The following MBNL1 variants were observed in gnomAD, a reference collection of about 807,000 sequenced individuals.
MBNL1 encodes the protein muscleblind like splicing regulator 1.
In MBNL1, 8 loss-of-function variants were observed where a neutral mutation model predicts 42.2. That is an observed-to-expected ratio of 0.19 (90% CI 0.11 to 0.34). The LOEUF (loss-of-function observed/expected upper bound fraction) is 0.34, where lower values mean the gene tolerates loss of function less well. MBNL1 is among the 10% of genes least tolerant of loss of function. The pLI is 1.00. For missense variants in MBNL1, 309 were observed against 495.3 expected (o/e 0.62, Z 3.57); for synonymous variants, 169 against 173.9 (o/e 0.97, Z 0.22).
At chr3:152,452,550 C>G (rs1018098659) in intron 6 of MBNL1, among the ~76,000 whole-genome samples, 2 of 152,162 alleles carry the variant, frequency 1.3e-5, no homozygotes, top group African/African-American at 4.8e-5. Flanking sequence ...ACAGGTACTC[C>G]AGGGGTTCTG....
chr3:152,412,005 G>A (rs534669129), intron 2 of MBNL1, among the ~76,000 whole-genome samples: 3 of 152,310 alleles, frequency 2.0e-5, no homozygotes, highest in South Asian at 2.1e-4. Flanking sequence ...CATTCATTCT[G>A]TGAATGTTTA....
At chr3:152,383,936 A>G (rs1553218) in intron 2 of MBNL1, among the ~76,000 whole-genome samples, 42,627 of 151,852 alleles carry the variant, frequency 0.28, 6,200 homozygotes, top group African/African-American at 0.36. Flanking sequence ...ATAAATTCAT[A>G]CCATTAAAGG....
intron 9 of MBNL1, among the ~76,000 whole-genome samples, chr3:152,459,696 G>A (rs1026911038): frequency 2.0e-5 from 3 of 151,904 alleles, no homozygotes; most frequent in Non-Finnish European, 2.9e-5. Context: ...GGGCCGTATC[G>A]TTTCTGTTGC....
intron 1 of MBNL1, among the ~76,000 whole-genome samples, chr3:152,293,997 G>A (rs1206167895): frequency 6.7e-6 from 1 of 148,372 alleles, no homozygotes; most frequent in Non-Finnish European, 1.5e-5. Flanking sequence ...ATTGTTGAAA[G>A]AATAAGAATA....
intron 2 of MBNL1, among the ~76,000 whole-genome samples, chr3:152,391,954 G>A (rs904924512): frequency 3.9e-5 from 6 of 152,104 alleles, no homozygotes; most frequent in Non-Finnish European, 7.4e-5. Flanking sequence ...AGTTTGCAGG[G>A]AATTGGTAGT....
intron 8 of MBNL1, among the ~76,000 whole-genome samples, chr3:152,457,176 AC>A (rs1735343512): frequency 6.6e-6 from 1 of 152,202 alleles, no homozygotes; most frequent in Non-Finnish European, 1.5e-5. Flanking sequence ...ACATTTATTC[AC>A]CCAGCATTTT....
At chr3:152,406,880 G>C (rs1226797352) in intron 2 of MBNL1, among the ~76,000 whole-genome samples, 2 of 152,120 alleles carry the variant, frequency 1.3e-5, no homozygotes, top group Non-Finnish European at 2.9e-5. Flanking sequence ...TTTGTGATTA[G>C]ATTATGCACT....
chr3:152,433,010 A>G lies in MBNL1; in HGVS notation c.549+90A>G, dbSNP rs919111897. 9.7e-6 allele frequency: 12 copies of G among 1,240,626 alleles called. No homozygotes were observed. In the South Asian group the frequency reaches 1.5e-4, roughly 16 times the overall value. 76.9% of individuals were successfully genotyped at this position (1,240,626 alleles called of 1,614,324 possible). On this transcript the variant is annotated intron_variant, in intron 4 of 9. Coordinates refer to ENST00000324210, the MANE Select transcript of MBNL1 (RefSeq NM_021038.5). ...TGTTTGTGTGTTTCCATGGCCAAAA[A>G]GTTGTAAAAATTTTAAAACAGATTT... is the stretch of plus-strand genomic sequence containing the variant.
At chr3:152,369,192 C>T (rs987476667) in intron 2 of MBNL1, among the ~76,000 whole-genome samples, 1 of 152,134 alleles carries the variant, frequency 6.6e-6, no homozygotes. Context: ...TCATCAATAC[C>T]TAGCTTCTTG....
chr3:152,246,258 G>A (rs946811462), intron 2 of MBNL1, among the ~76,000 whole-genome samples: 1 of 152,072 alleles, frequency 6.6e-6, no homozygotes, highest in Non-Finnish European at 1.5e-5. Context: ...ATAGCCCAAG[G>A]AGATTACAAT....
rs548593255 is a variant in MBNL1, at chr3:152,283,973, C to T, written c.-790+14881C>T. Among the ~76,000 whole-genome samples the T allele has an allele frequency of 3.9e-5, 6 of 152,266 alleles. No individual in the cohort carries two copies. In the East Asian group the frequency reaches 1.2e-3, roughly 29 times the overall value. ...CTTGTTACCTCTACTGTGTACTTCT[C>T]GCTTCCTTTTTTATATATAGTTATT... On this transcript the variant is annotated intron_variant, in intron 1 of 9. Transcript: ENST00000324210.
chr3:152,245,492 G>A (rs919081536), intron 2 of MBNL1, among the ~76,000 whole-genome samples: 5 of 152,094 alleles, frequency 3.3e-5, no homozygotes, highest in South Asian at 4.1e-4. Context: ...CACATTTACC[G>A]TGTGAGATTT....
chr3:152,451,918 A>AAACT lies in MBNL1; in HGVS notation c.962-3623_962-3622insACTA, dbSNP rs1723941460. Among the ~76,000 whole-genome samples, 3 of 152,154 alleles carry AAACT rather than the reference A, an allele frequency of 2.0e-5. No homozygotes were observed. In the South Asian group the frequency reaches 6.2e-4, roughly 32 times the overall value. On this transcript the variant is annotated intron_variant, in intron 6 of 9. Transcript: ENST00000324210. ...AGGTACAGTGATTTGTCCCAAGTTA[A>AAACT]ATGGCTTTTGTAAGGTTTAGATTTA... is the stretch of plus-strand genomic sequence containing the variant.
At chr3:152,398,091 C>T (rs958744506) in intron 2 of MBNL1, among the ~76,000 whole-genome samples, 1 of 152,056 alleles carries the variant, frequency 6.6e-6, no homozygotes, top group Admixed American at 6.5e-5. Context: ...AAATTCAGAG[C>T]CACATTTTAA....
Position 152,444,720 on chromosome 3 carries a change from G to A in MBNL1, c.550-562G>A, listed in dbSNP as rs73011747. Reference sequence around the variant, plus strand: ...CCCAATATTCTTTCTGTGACTCCAGGATCCTCCAGCTTGTGATAATATCTC... The same window carrying A: ...CCCAATATTCTTTCTGTGACTCCAGAATCCTCCAGCTTGTGATAATATCTC... On this transcript the variant is annotated intron_variant, in intron 4 of 9. Transcript: ENST00000324210. 3.0e-3 allele frequency among the ~76,000 whole-genome samples: 461 copies of A among 152,236 alleles called. 2 individuals carry two copies. The highest frequency in any genetic ancestry group is 0.011 in the African/African-American group (444 of 41,540).
At chr3:152,279,627 T>A (rs2047255884) in intron 1 of MBNL1, among the ~76,000 whole-genome samples, 1 of 152,174 alleles carries the variant, frequency 6.6e-6, no homozygotes, top group South Asian at 2.1e-4. Context: ...CCTCCCATCT[T>A]CAGTAGATAT....
chr3:152,422,108 A>G (rs761576805), intron 3 of MBNL1, among the ~76,000 whole-genome samples: 3 of 152,188 alleles, frequency 2.0e-5, no homozygotes, highest in Non-Finnish European at 2.9e-5. Flanking sequence ...AACAGGCTAA[A>G]TCTCTCAATT....
chr3:152,356,856 AGT>A (rs59868027), intron 2 of MBNL1, among the ~76,000 whole-genome samples: 30 of 149,366 alleles, frequency 2.0e-4, no homozygotes, highest in South Asian at 2.1e-4. Flanking sequence ...ATATGTGTGT[AGT>A]GTGTGTGTGT....
At chr3:152,283,140 A>C (rs950299662) in intron 1 of MBNL1, among the ~76,000 whole-genome samples, 5 of 152,190 alleles carry the variant, frequency 3.3e-5, no homozygotes, top group African/African-American at 9.7e-5. Context: ...ATTTTAGAGC[A>C]ATCACCAACT....
Sources: allele counts gnomAD v4.1 joint callset (sites outside exome capture counted in the v4.1 genomes callset), GRCh38; gene constraint gnomAD v4.1.1; transcripts MANE v1.5; gene names NCBI Gene and HGNC (gene_info 2026-07-23, HGNC 2026-07-21).